FMO1: variants seen among roughly 807,000 people sequenced by gnomAD.
FMO1 encodes flavin-containing monooxygenase 1.
A neutral mutation model predicts 45.4 loss-of-function variants in FMO1; 36 were observed. The ratio of observed to expected loss-of-function variants is 0.79; its 90% CI spans 0.61 to 1.05. FMO1 has a LOEUF of 1.05. Among genes scored for constraint, FMO1 ranks in the 50% least tolerant of loss-of-function variants. The pLI is 0.00. For synonymous variants in FMO1, 228 were observed against 227.2 expected, an observed-to-expected ratio of 1.00 and a Z score of -0.03; for missense variants, 615 against 640.3, an observed-to-expected ratio of 0.96 and a Z score of 0.43.
At chr1:171,275,273 A>G (rs1661059518) in intron 3 of FMO1, 73 bp from the exon 4 acceptor site, 1 of 1,186,478 alleles carries the variant, frequency 8.4e-7, no homozygotes, top group African/African-American at 1.5e-5. Flanking sequence ...TTAAAATATC[A>G]ATGGTACATC....
At position 171,282,223 on chromosome 1, in the gene FMO1, C is replaced by T; in HGVS notation, c.1073C>T (p.Pro358Leu). Residue 358 changes from proline to leucine, a missense_variant, in exon 7 of 9, where the codon CCT becomes CTT. Pro to Leu is a moderately conservative substitution (Grantham distance 98). Coordinates refer to ENST00000617670, the MANE Select transcript of FMO1 (RefSeq NM_001282693.2). The part of the protein sequence containing the change: ...GQASLYKYIF[P>L]AHLQKPTLAI... ...GCCTCACTGTACAAGTATATCTTCC[C>T]TGCACATCTGCAAAAGCCAACCCTG... 6.2e-7 allele frequency: 1 copy of T among 1,613,962 alleles called. No homozygotes were observed. Among genetic ancestry groups the T allele is most frequent in the Non-Finnish European group, 8.5e-7 (1 of 1,179,876 alleles).
chr1:171,285,664 C>T lies in FMO1; in HGVS notation c.*120C>T, dbSNP rs547009708. 8 of 519,450 alleles carry T rather than the reference C, an allele frequency of 1.5e-5. No individual in the cohort carries two copies. The highest frequency in any genetic ancestry group is 2.0e-5 in the African/African-American group (1 of 50,602). The allele number at this position is 519,450 out of a possible 1,614,324, so 32.2% of individuals were successfully genotyped here. ...ATTCAAATAGTAAAGGCCACCCTCT[C>T]GCTTCCCTGGCTGGCCCCAGGGCTA... On this transcript the variant is annotated 3_prime_UTR_variant, in exon 9 of 9. Coordinates refer to ENST00000617670, the MANE Select transcript of FMO1 (RefSeq NM_001282693.2).
At chr1:171,283,033 G>A (rs369086575) in intron 7 of FMO1, 111 bp from the exon 8 acceptor site, 4 of 682,156 alleles carry the variant, frequency 5.9e-6, no homozygotes, top group East Asian at 2.9e-5. Flanking sequence ...GGATCAATGA[G>A]TAGCTGGTAC....
chr1:171,262,840 G>A (rs1246353741), intron 2 of FMO1, among the ~76,000 whole-genome samples: 1 of 152,092 alleles, frequency 6.6e-6, no homozygotes, highest in Non-Finnish European at 1.5e-5. Flanking sequence ...GCTCTCCTGC[G>A]ATATAGACCC....
rs1660871943 is a variant in FMO1 at position 171,271,611 on chromosome 1, A to G, written c.322-3735A>G. On this transcript the variant is annotated intron_variant, in intron 3 of 8. Transcript: ENST00000617670. The stretch of plus-strand genomic sequence containing the variant: ...AATGTTTAGTTATTTTTCCCCAGTG[A>G]GGCACAGAGTTGCCCAGTGCCCATC... The G allele has an allele frequency of 5.3e-6, 4 of 753,454 alleles. No individual in the cohort carries two copies. The Admixed American group carries it at 6.9e-5, about 13-fold the overall frequency. 46.7% of individuals were successfully genotyped at this position (753,454 alleles called of 1,614,324 possible).
Position 171,253,251 on chromosome 1 carries a change from T to C in FMO1, c.-7+4628T>C, listed in dbSNP as rs1659981115. On this transcript the variant is annotated intron_variant, in intron 1 of 8. Coordinates refer to ENST00000617670, the MANE Select transcript of FMO1 (RefSeq NM_001282693.2). ...AACACAATCATTAAACACACATTTCTAGTTTACCCCATGGCTCTGATTCCA... is the reference window on the plus strand; with the variant it reads ...AACACAATCATTAAACACACATTTCCAGTTTACCCCATGGCTCTGATTCCA... 2.0e-5 allele frequency among the ~76,000 whole-genome samples: 3 copies of C among 152,216 alleles called. No individual in the cohort carries two copies. The South Asian group carries it at 6.2e-4, about 32-fold the overall frequency.
chr1:171,264,242 C>T (rs935355972), intron 2 of FMO1, among the ~76,000 whole-genome samples: 2 of 151,334 alleles, frequency 1.3e-5, no homozygotes, highest in African/African-American at 4.9e-5. Context: ...TAAATGGTTC[C>T]CTGGCTTATC....
chr1:171,260,912 C>CAAAAAA (rs71561566), intron 2 of FMO1, among the ~76,000 whole-genome samples: 95 of 53,620 alleles, frequency 1.8e-3, no homozygotes, highest in East Asian at 2.6e-3. Context: ...GGCTCCATCT[C>CAAAAAA]AAAAAAAAAA....
At chr1:171,249,484 C>T (rs1045564207) in intron 1 of FMO1, among the ~76,000 whole-genome samples, 1 of 152,054 alleles carries the variant, frequency 6.6e-6, no homozygotes, top group Non-Finnish European at 1.5e-5. Flanking sequence ...AGAGTATGGC[C>T]CTCCTTGGAC....
intron 1 of FMO1, chr1:171,257,698 T>G (rs1660218122): frequency 4.0e-6 from 1 of 252,686 alleles, no homozygotes; most frequent in Non-Finnish European, 7.7e-6. Context: ...AGATTGTGTC[T>G]GACAAGGTGA....
chr1:171,272,630 A>C (rs577867346), intron 3 of FMO1, among the ~76,000 whole-genome samples: 2 of 152,352 alleles, frequency 1.3e-5, no homozygotes, highest in African/African-American at 4.8e-5. Context: ...GATGTGAGAC[A>C]TGGAGTCAAA....
intron 5 of FMO1, among the ~76,000 whole-genome samples, 153 bp downstream of exon 5, chr1:171,279,024 C>T (rs1449244544): frequency 6.6e-6 from 1 of 151,322 alleles, no homozygotes; most frequent in Non-Finnish European, 1.5e-5. Flanking sequence ...TGAATGTTCA[C>T]AAATTTTTCT....
intron 8 of FMO1, 73 bp from the exon 9 acceptor site, chr1:171,285,128 TG>T: frequency 1.0e-6 from 1 of 976,730 alleles, no homozygotes; most frequent in Non-Finnish European, 1.5e-6. Context: ...TTGTTTGCTT[TG>T]GGCACTTGTA....
intron 3 of FMO1, chr1:171,270,891 G>T: frequency 1.4e-6 from 1 of 705,462 alleles, no homozygotes; most frequent in Non-Finnish European, 2.3e-6. Context: ...TAAAAGGAGT[G>T]ACTTGTGAAC....
intron 5 of FMO1, among the ~76,000 whole-genome samples, chr1:171,280,454 A>G (rs1206326030): frequency 2.0e-5 from 3 of 152,188 alleles, no homozygotes; most frequent in African/African-American, 7.2e-5. Context: ...TACTGCCTAC[A>G]ATGATAGTGA....
intron 2 of FMO1, among the ~76,000 whole-genome samples, chr1:171,260,023 T>C (rs889017599): frequency 1.3e-5 from 2 of 152,122 alleles, no homozygotes; most frequent in Non-Finnish European, 2.9e-5. Flanking sequence ...AGAGGTAGTG[T>C]GTGATGGACT....
chr1:171,265,722 A>G (rs946647925), intron 2 of FMO1, among the ~76,000 whole-genome samples: 2 of 152,156 alleles, frequency 1.3e-5, no homozygotes, highest in African/African-American at 2.4e-5. Context: ...ATTTTTTTAT[A>G]TTACTATTTA....
intron 2 of FMO1, among the ~76,000 whole-genome samples, chr1:171,265,852 C>T (rs1337915713): frequency 4.6e-5 from 7 of 152,158 alleles, no homozygotes; most frequent in Non-Finnish European, 8.8e-5. Flanking sequence ...CTAAACATTG[C>T]TTAACAGCAG....
At chr1:171,259,617 G>A (rs549963847) in intron 2 of FMO1, among the ~76,000 whole-genome samples, 18 of 152,294 alleles carry the variant, frequency 1.2e-4, no homozygotes, top group African/African-American at 2.2e-4. Flanking sequence ...TAAATTAGCC[G>A]AGTTATTTGA....
Sources: gnomAD v4.1 joint callset for allele counts (sites outside exome capture counted in the v4.1 genomes callset) on GRCh38, gnomAD v4.1.1 for gene constraint, MANE v1.5 for transcripts, NCBI Gene and HGNC (gene_info 2026-07-23, HGNC 2026-07-21) for gene names.